Variants in KCNB2 observed in about 807,000 individuals in gnomAD.
KCNB2 encodes the protein delayed rectifier potassium channel protein.
KCNB2 carries 15 observed loss-of-function variants against 61.5 expected under a neutral mutation model. The ratio of observed to expected loss-of-function variants is 0.24; its 90% CI spans 0.16 to 0.38. The LOEUF is 0.38. Among genes scored for constraint, KCNB2 ranks in the 10% least tolerant of loss-of-function variants. The pLI, the probability that KCNB2 is intolerant of heterozygous loss-of-function variation, is 1.00. For missense variants in KCNB2, 828 were observed against 1,125.2 expected (o/e 0.74, Z 3.78); for synonymous variants, 457 against 446.0 (o/e 1.02, Z -0.31).
chr8:72,554,275 G>A (rs1465365062), intron 1 of KCNB2, among the ~76,000 whole-genome samples: 2 of 152,080 alleles, frequency 1.3e-5, no homozygotes, highest in Admixed American at 6.6e-5. Context: ...TATAGTGACA[G>A]TCAAGTAACA....
At chr8:72,687,941 T>C (rs956007425) in intron 2 of KCNB2, among the ~76,000 whole-genome samples, 6 of 152,116 alleles carry the variant, frequency 3.9e-5, no homozygotes, top group African/African-American at 1.4e-4. Context: ...CTGGAGAAGT[T>C]TGGGCTATGG....
chr8:72,818,840 A>T (rs1809446467), intron 2 of KCNB2, among the ~76,000 whole-genome samples: 1 of 151,950 alleles, frequency 6.6e-6, no homozygotes, highest in Non-Finnish European at 1.5e-5. Flanking sequence ...AAGTTTTTCC[A>T]ATTCTTTTGT....
chr8:72,607,604 C>G (rs906171254), intron 2 of KCNB2, among the ~76,000 whole-genome samples: 2 of 152,022 alleles, frequency 1.3e-5, no homozygotes, highest in African/African-American at 2.4e-5. Flanking sequence ...ATACAATAAG[C>G]AAGGAAATAT....
chr8:72,708,018 A>G (rs1189558081), intron 2 of KCNB2, among the ~76,000 whole-genome samples: 2 of 152,150 alleles, frequency 1.3e-5, no homozygotes, highest in African/African-American at 4.8e-5. Flanking sequence ...CTGTGTATAG[A>G]GAGGCCCAGA....
Position 72,567,805 on chromosome 8 carries a change from C to T in KCNB2, c.71C>T (p.Pro24Leu). Residue 24 changes from proline to leucine, a missense_variant, in exon 2 of 3, where the codon CCT (proline) becomes CTT (leucine). Pro to Leu is a moderately conservative substitution (Grantham distance 98). Transcript: ENST00000523207. Reference sequence around the variant, plus strand: ...TCGACACTTTCCCTTCCTCCAGAGCCTGTGGACATTATCCGGAGCAAAACA... The same window carrying T: ...TCGACACTTTCCCTTCCTCCAGAGCTTGTGGACATTATCCGGAGCAAAACA... The part of the protein sequence containing the change: ...SRSTLSLPPE[P>L]VDIIRSKTCS... 1 of 1,613,034 alleles carries T rather than the reference C, an allele frequency of 6.2e-7. No individual in the cohort carries two copies. Among genetic ancestry groups the T allele is most frequent in the South Asian group, 1.1e-5 (1 of 90,840 alleles).
chr8:72,844,223 C>G (rs1809944866), intron 2 of KCNB2, among the ~76,000 whole-genome samples: 1 of 152,152 alleles, frequency 6.6e-6, no homozygotes, highest in Non-Finnish European at 1.5e-5. Context: ...ATATGAAATT[C>G]TGGGTTGAAA....
rs935738611 is a variant in KCNB2 at position 72,837,937 on chromosome 8, T to A, written c.580-97998T>A. ...GCATATTTAAACAACACAGATATAT[T>A]TCTAGATAATTATTTATGGAGTTTT... On this transcript the variant is annotated intron_variant, in intron 2 of 2. Transcript: ENST00000523207. Among the ~76,000 whole-genome samples the A allele has an allele frequency of 1.4e-4, 21 of 152,324 alleles. No homozygotes were observed. In the East Asian group the frequency reaches 3.7e-3, roughly 27 times the overall value.
chr8:72,568,368 C>T (rs1317434052), intron 2 of KCNB2, 55 bp downstream of exon 2: 5 of 1,414,304 alleles, frequency 3.5e-6, no homozygotes, highest in Non-Finnish European at 3.9e-6. Flanking sequence ...ATGCTACCTA[C>T]GTTCTAGAGA....
chr8:72,937,870 AGTG>A lies in KCNB2; in HGVS notation c.2516_2518del (p.Ser839_Asp840delinsAsn). 1 of 1,614,168 alleles carries A rather than the reference AGTG, an allele frequency of 6.2e-7. No individual in the cohort carries two copies. The highest frequency in any genetic ancestry group is 8.5e-7 in the Non-Finnish European group (1 of 1,180,024). ...CCCAAATTGCTTTGCAGATAAGCCT[AGTG>A]ATGGGAGAGACCCTTTAAGAGAAGA... On this transcript the variant is annotated inframe_deletion, in exon 3 of 3. Transcript: ENST00000523207.
chr8:72,896,940 T>TTTG (rs755094003), intron 2 of KCNB2, among the ~76,000 whole-genome samples: 3 of 152,224 alleles, frequency 2.0e-5, no homozygotes, highest in Non-Finnish European at 2.9e-5. Context: ...TGAATTGCTT[T>TTTG]TTGTTGTTGT....
chr8:72,597,136 G>A (rs1417270779), intron 2 of KCNB2, among the ~76,000 whole-genome samples: 1 of 148,758 alleles, frequency 6.7e-6, no homozygotes, highest in Non-Finnish European at 1.5e-5. Flanking sequence ...CAATTCCTCT[G>A]CCTCAGCCTC....
chr8:72,614,336 T>C (rs1805585137), intron 2 of KCNB2, among the ~76,000 whole-genome samples: 1 of 152,182 alleles, frequency 6.6e-6, no homozygotes, highest in Non-Finnish European at 1.5e-5. Flanking sequence ...TTTGTTGTCA[T>C]CCTAAAGGGT....
intron 2 of KCNB2, among the ~76,000 whole-genome samples, chr8:72,595,248 A>G (rs1022880200): frequency 1.3e-5 from 2 of 151,668 alleles, no homozygotes; most frequent in African/African-American, 4.8e-5. Flanking sequence ...CCTCAAGTGC[A>G]TCATGTGTCT....
intron 2 of KCNB2, among the ~76,000 whole-genome samples, chr8:72,681,901 A>C (rs1280028422): frequency 1.3e-5 from 2 of 152,224 alleles, no homozygotes; most frequent in East Asian, 3.8e-4. Flanking sequence ...TATGCACCAC[A>C]TGACTATGTA....
At chr8:72,865,000 A>G (rs1585940789) in intron 2 of KCNB2, among the ~76,000 whole-genome samples, 5 of 151,740 alleles carry the variant, frequency 3.3e-5, no homozygotes, top group Admixed American at 3.3e-4. Context: ...GGCCTCATTC[A>G]CCTCCCACCT....
chr8:72,790,698 T>C (rs16938367), intron 2 of KCNB2, among the ~76,000 whole-genome samples: 4,372 of 152,292 alleles, frequency 0.029, 148 homozygotes, highest in African/African-American at 0.077. Context: ...AATATCCTAA[T>C]TTTTCAGGTC....
At chr8:72,760,983 T>A (rs1808369169) in intron 2 of KCNB2, among the ~76,000 whole-genome samples, 1 of 152,204 alleles carries the variant, frequency 6.6e-6, no homozygotes, top group African/African-American at 2.4e-5. Flanking sequence ...CAGCTGTATT[T>A]GGTGACTGAA....
At chr8:72,650,384 C>A (rs992848807) in intron 2 of KCNB2, among the ~76,000 whole-genome samples, 1 of 152,154 alleles carries the variant, frequency 6.6e-6, no homozygotes, top group Non-Finnish European at 1.5e-5. Flanking sequence ...CCCCTGCTCA[C>A]CTGCTCTTAC....
At chr8:72,707,643 C>G (rs1399773566) in intron 2 of KCNB2, among the ~76,000 whole-genome samples, 1 of 152,140 alleles carries the variant, frequency 6.6e-6, no homozygotes, top group Non-Finnish European at 1.5e-5. Flanking sequence ...CATAAAGAGG[C>G]TATCCAGAAC....
Sources: allele counts gnomAD v4.1 joint callset (sites outside exome capture counted in the v4.1 genomes callset), GRCh38; gene constraint gnomAD v4.1.1; transcripts MANE v1.5; gene names NCBI Gene and HGNC (gene_info 2026-07-23, HGNC 2026-07-21).